NCOA7: variants seen among roughly 807,000 people sequenced by gnomAD.
The protein encoded by NCOA7 is nuclear receptor coactivator 7.
In NCOA7, 45 loss-of-function variants were observed where a neutral mutation model predicts 104.3. That is an observed-to-expected ratio of 0.43 (90% confidence interval 0.34 to 0.55). The LOEUF is 0.55. NCOA7 is among the 20% of genes least tolerant of loss of function. The probability of loss-of-function intolerance (pLI) is 0.02; values close to 1 mark genes in which losing one functional copy is unlikely to be tolerated. For synonymous variants in NCOA7, 398 were observed against 402.3 expected (o/e 0.99, Z 0.13); for missense variants, 1,041 against 1,119.7 (o/e 0.93, Z 1.00).
chr6:125,825,795 T>G (rs1778608779), intron 2 of NCOA7, among the ~76,000 whole-genome samples: 1 of 152,218 alleles, frequency 6.6e-6, no homozygotes, highest in African/African-American at 2.4e-5. Context: ...CCAAGTCAAC[T>G]GCTGTCACTA....
intron 1 of NCOA7, among the ~76,000 whole-genome samples, chr6:125,785,194 C>T (rs1471961447): frequency 2.6e-5 from 4 of 151,958 alleles, no homozygotes; most frequent in South Asian, 2.1e-4. Flanking sequence ...AAAAACTAGC[C>T]GGGTGTGGTG....
chr6:125,918,798 A>T (rs1170667272), intron 11 of NCOA7, among the ~76,000 whole-genome samples: 1 of 152,186 alleles, frequency 6.6e-6, no homozygotes, highest in African/African-American at 2.4e-5. Context: ...ATGACATAGT[A>T]TTGAAGTGAA....
At chr6:125,910,582 T>C (rs1194493171) in intron 10 of NCOA7, among the ~76,000 whole-genome samples, 3 of 152,186 alleles carry the variant, frequency 2.0e-5, no homozygotes, top group African/African-American at 7.2e-5. Flanking sequence ...AGTTCAGTGG[T>C]TGAAGAGAGA....
At chr6:125,782,934 C>T (rs1011603963) in intron 1 of NCOA7, among the ~76,000 whole-genome samples, 5 of 152,086 alleles carry the variant, frequency 3.3e-5, no homozygotes, top group East Asian at 3.8e-4. Context: ...TCATCACAAG[C>T]GTTCTTATGA....
Position 125,878,386 on chromosome 6 carries a change from C to A in NCOA7, c.459+16C>A, listed in dbSNP as rs766260441. On this transcript the variant is annotated intron_variant, in intron 5 of 15. Transcript: ENST00000392477. ...TCCAGGCCAGGTAATTATACTCTTA[C>A]TGGATATAACTCTAGAAATTCTGCA... is the stretch of plus-strand genomic sequence containing the variant. 4.5e-6 allele frequency: 7 copies of A among 1,539,214 alleles called. No homozygotes were observed. The highest frequency in any genetic ancestry group is 6.2e-6 in the Non-Finnish European group (7 of 1,126,530).
intron 1 of NCOA7, among the ~76,000 whole-genome samples, chr6:125,811,293 C>T (rs533369058): frequency 6.6e-6 from 1 of 152,244 alleles, no homozygotes; most frequent in South Asian, 2.1e-4. Context: ...ATTAATTTAC[C>T]TCCTTGCTTA....
At chr6:125,787,125 G>GAAA (rs78334930), upstream of NCOA7, among the ~76,000 whole-genome samples, 3 of 118,794 alleles carry the variant, frequency 2.5e-5, no homozygotes, top group Admixed American at 8.8e-5. Context: ...CTGTCTGGAA[G>GAAA]AAAAAAAAAA....
chr6:125,836,918 C>A (rs938208243), intron 2 of NCOA7, among the ~76,000 whole-genome samples: 3 of 152,096 alleles, frequency 2.0e-5, no homozygotes, highest in African/African-American at 7.2e-5. Context: ...CTGTGTGTGC[C>A]AGGTGACATA....
intron 3 of NCOA7, among the ~76,000 whole-genome samples, chr6:125,865,402 A>G (rs148072590): frequency 7.2e-6 from 1 of 138,086 alleles, no homozygotes; most frequent in Non-Finnish European, 1.5e-5. Context: ...TGAAGGAAGG[A>G]AGGTAGGTAA....
intron 2 of NCOA7, among the ~76,000 whole-genome samples, chr6:125,838,072 T>C (rs1002804727): frequency 1.3e-5 from 2 of 152,196 alleles, no homozygotes; most frequent in Non-Finnish European, 2.9e-5. Flanking sequence ...CCTCTGAAGC[T>C]TCACTGAAAA....
chr6:125,840,366 GA>G lies in NCOA7; in HGVS notation c.51-14648del, dbSNP rs139686607. 9.7e-3 allele frequency among the ~76,000 whole-genome samples: 1,469 copies of G among 151,906 alleles called. 28 individuals are homozygous for G. Among genetic ancestry groups the G allele is most frequent in the African/African-American group, 0.034 (1,396 of 41,342 alleles). On this transcript the variant is annotated intron_variant, in intron 2 of 15. Coordinates refer to ENST00000392477, the MANE Select transcript of NCOA7 (RefSeq NM_181782.5). ...TAAGGTAGTTTATTATTGAATGAGGGAAAAAATTATATAAATTTAGTGCAGC... is the reference window on the plus strand; with the variant it reads ...TAAGGTAGTTTATTATTGAATGAGGGAAAAATTATATAAATTTAGTGCAGC...
At position 125,885,508 on chromosome 6, in the gene NCOA7, A is replaced by G. The variant is rs78171814; in HGVS notation, c.884+165A>G. Among the ~76,000 whole-genome samples, 675 of 152,294 alleles carry G rather than the reference A, an allele frequency of 4.4e-3. 5 individuals carry two copies. The highest frequency in any genetic ancestry group is 0.016 in the African/African-American group (646 of 41,564). On this transcript the variant is annotated intron_variant, in intron 8 of 15. Coordinates refer to ENST00000392477, the MANE Select transcript of NCOA7 (RefSeq NM_181782.5). Reference sequence around the variant, plus strand: ...AGAAAAATGAGAAGAAATGAAAAGAATAAAATCAATGATGGGAAAAGTTGA... The same window carrying G: ...AGAAAAATGAGAAGAAATGAAAAGAGTAAAATCAATGATGGGAAAAGTTGA...
chr6:125,834,272 A>G (rs1184720725), intron 2 of NCOA7, among the ~76,000 whole-genome samples: 1 of 152,230 alleles, frequency 6.6e-6, no homozygotes, highest in Non-Finnish European at 1.5e-5. Context: ...TGTAAATAAT[A>G]CTTATTAAAT....
At chr6:125,904,766 C>A (rs1785820114) in intron 10 of NCOA7, among the ~76,000 whole-genome samples, 1 of 152,174 alleles carries the variant, frequency 6.6e-6, no homozygotes, top group Non-Finnish European at 1.5e-5. Context: ...CCAAAGAGGT[C>A]ACATTTATCC....
At chr6:125,905,487 C>T (rs534216984) in intron 10 of NCOA7, among the ~76,000 whole-genome samples, 108 of 152,176 alleles carry the variant, frequency 7.1e-4, no homozygotes, top group African/African-American at 2.4e-3. Context: ...GTCTAGAACT[C>T]CTGACCTCAA....
intron 2 of NCOA7, among the ~76,000 whole-genome samples, chr6:125,834,089 T>G (rs199713810): frequency 2.6e-5 from 2 of 76,802 alleles, no homozygotes; most frequent in Admixed American, 3.0e-4. Flanking sequence ...TCTTTAAAAA[T>G]AAGATGTACT....
At chr6:125,855,354 C>T in intron 3 of NCOA7, 114 bp downstream of exon 3, 1 of 773,542 alleles carries the variant, frequency 1.3e-6, no homozygotes, top group Non-Finnish European at 2.1e-6. Flanking sequence ...GGAGCAGCTG[C>T]TATGTGCCCC....
chr6:125,878,449 T>C, intron 5 of NCOA7, 79 bp downstream of exon 5: 1 of 878,266 alleles, frequency 1.1e-6, no homozygotes, highest in South Asian at 1.8e-5. Flanking sequence ...CTCACTATTG[T>C]TTGTCACAGG....
At chr6:125,800,907 A>T (rs879606930) in intron 1 of NCOA7, among the ~76,000 whole-genome samples, 1 of 152,194 alleles carries the variant, frequency 6.6e-6, no homozygotes, top group Non-Finnish European at 1.5e-5. Flanking sequence ...CGCGCCTGTA[A>T]TCCCAGCTAC....
Sources: gnomAD v4.1 joint callset for allele counts (sites outside exome capture counted in the v4.1 genomes callset) on GRCh38, gnomAD v4.1.1 for gene constraint, MANE v1.5 for transcripts, NCBI Gene and HGNC (gene_info 2026-07-23, HGNC 2026-07-21) for gene names.